The following ERBB4 variants were observed in gnomAD, a reference collection of about 807,000 sequenced individuals.
ERBB4 encodes receptor tyrosine-protein kinase erbB-4.
Under a neutral mutation model 158.0 loss-of-function variants are expected in ERBB4, and 42 were observed. The ratio of observed to expected loss-of-function variants is 0.27; its 90% CI spans 0.21 to 0.34. The LOEUF is 0.34. Ranked by LOEUF, ERBB4 falls within the 10% of genes least tolerant of loss-of-function variation. ERBB4 has a pLI of 1.00. For synonymous variants in ERBB4, 583 were observed against 558.7 expected (o/e 1.04, Z -0.61); for missense variants, 1,333 against 1,624.1 (o/e 0.82, Z 3.08).
chr2:212,523,310 C>G (rs780403496), intron 1 of ERBB4, among the ~76,000 whole-genome samples: 43 of 151,870 alleles, frequency 2.8e-4, no homozygotes, highest in Non-Finnish European at 6.3e-4. Flanking sequence ...TTTCTAAATT[C>G]CTGCTGTGCC....
At chr2:212,056,384 C>T (rs1442336782) in intron 2 of ERBB4, among the ~76,000 whole-genome samples, 9 of 152,126 alleles carry the variant, frequency 5.9e-5, no homozygotes, top group African/African-American at 1.2e-4. Flanking sequence ...ACTTCCCCAA[C>T]CTAGCAAGGC....
At chr2:212,153,144 A>G (rs1277919386) in intron 1 of ERBB4, among the ~76,000 whole-genome samples, 1 of 152,200 alleles carries the variant, frequency 6.6e-6, no homozygotes, top group African/African-American at 2.4e-5. Flanking sequence ...TGATAGGGGA[A>G]CCTACTAAAA....
At chr2:212,276,803 TA>T (rs2106135951) in intron 1 of ERBB4, among the ~76,000 whole-genome samples, 1 of 151,948 alleles carries the variant, frequency 6.6e-6, no homozygotes, top group Admixed American at 6.6e-5. Flanking sequence ...TTGTTTTCAC[TA>T]TTTGTTTAAT....
intron 3 of ERBB4, among the ~76,000 whole-genome samples, chr2:211,876,189 T>G (rs1161231987): frequency 1.3e-5 from 2 of 152,170 alleles, no homozygotes. Flanking sequence ...TAGCATCACA[T>G]TTTGCCAAAA....
At chr2:212,402,722 G>A (rs927670807) in intron 1 of ERBB4, among the ~76,000 whole-genome samples, 1 of 151,886 alleles carries the variant, frequency 6.6e-6, no homozygotes, top group Admixed American at 6.6e-5. Context: ...AAAAACAACT[G>A]CATGTGTATA....
Position 212,000,632 on chromosome 2 carries a change from G to A in ERBB4, c.235-53016C>T, listed in dbSNP as rs945200326. On this transcript the variant is annotated intron_variant, in intron 2 of 27. Transcript: ENST00000342788. ...ATTACAAGGAAATTTAGCTAGGGAC[G>A]TGAAAAATTCTCCTATAGCTGAAAT... Among the ~76,000 whole-genome samples the A allele has an allele frequency of 1.8e-4, 28 of 151,728 alleles. 1 individual carries two copies. The highest frequency in any genetic ancestry group is 6.0e-4 in the African/African-American group (25 of 41,356).
At chr2:212,095,614 G>C (rs903436638) in intron 2 of ERBB4, among the ~76,000 whole-genome samples, 1 of 152,160 alleles carries the variant, frequency 6.6e-6, no homozygotes, top group Non-Finnish European at 1.5e-5. Flanking sequence ...TCAGAATACA[G>C]AGCATTTATG....
intron 2 of ERBB4, among the ~76,000 whole-genome samples, chr2:212,066,736 G>T (rs2077959477): frequency 6.6e-6 from 1 of 151,842 alleles, no homozygotes; most frequent in Non-Finnish European, 1.5e-5. Context: ...ACAGGTAATT[G>T]CTTTAATCTA....
intron 3 of ERBB4, among the ~76,000 whole-genome samples, chr2:211,861,355 T>G (rs796069044): frequency 9.7e-5 from 8 of 82,660 alleles, no homozygotes; most frequent in African/African-American, 2.6e-4. Context: ...TTTTTGTTTT[T>G]TTTTTTTTTT....
chr2:211,568,086 C>G (rs991793100), intron 19 of ERBB4, among the ~76,000 whole-genome samples: 1 of 151,732 alleles, frequency 6.6e-6, no homozygotes, highest in Non-Finnish European at 1.5e-5. Context: ...GGGACATTAT[C>G]TATTTTTCCA....
chr2:211,854,828 G>T (rs2077812137), intron 3 of ERBB4, among the ~76,000 whole-genome samples: 1 of 152,088 alleles, frequency 6.6e-6, no homozygotes, highest in Non-Finnish European at 1.5e-5. Flanking sequence ...TTGTATATGT[G>T]TGTGTATGTG....
chr2:212,501,831 A>G (rs1238930308), intron 1 of ERBB4, among the ~76,000 whole-genome samples: 1 of 152,184 alleles, frequency 6.6e-6, no homozygotes, highest in Non-Finnish European at 1.5e-5. Flanking sequence ...AAATCATTTT[A>G]TCAATTAAGA....
intron 5 of ERBB4, among the ~76,000 whole-genome samples, chr2:211,734,620 T>A (rs373467391): frequency 5.9e-5 from 6 of 102,338 alleles, no homozygotes; most frequent in Non-Finnish European, 5.6e-5. Flanking sequence ...GCTGTAGCAT[T>A]AAAAAAAAAA....
intron 2 of ERBB4, among the ~76,000 whole-genome samples, chr2:212,039,042 C>A (rs564611393): frequency 6.6e-5 from 10 of 152,106 alleles, no homozygotes; most frequent in African/African-American, 1.9e-4. Flanking sequence ...TCATTCTTAA[C>A]CTTGATTCTA....
intron 1 of ERBB4, among the ~76,000 whole-genome samples, chr2:212,155,395 A>G (rs574309340): frequency 6.6e-6 from 1 of 152,198 alleles, no homozygotes; most frequent in African/African-American, 2.4e-5. Flanking sequence ...ATCTTATTCT[A>G]TATTCTAAGC....
intron 3 of ERBB4, among the ~76,000 whole-genome samples, chr2:211,900,547 C>G (rs1480658532): frequency 1.3e-5 from 2 of 151,232 alleles, no homozygotes; most frequent in Non-Finnish European, 3.0e-5. Flanking sequence ...CTCAATTTTT[C>G]TATTGAAAAG....
At chr2:211,612,740 A>G (rs1038730445) in intron 19 of ERBB4, among the ~76,000 whole-genome samples, 3 of 152,102 alleles carry the variant, frequency 2.0e-5, no homozygotes, top group Middle Eastern at 3.2e-3. Flanking sequence ...TTTGTATTAA[A>G]AAGTAGGGAG....
At chr2:211,720,034 A>C (rs1575046632) in intron 7 of ERBB4, among the ~76,000 whole-genome samples, 2 of 152,202 alleles carry the variant, frequency 1.3e-5, no homozygotes, top group East Asian at 3.9e-4. Flanking sequence ...AACGGTTGTC[A>C]AGGAAAAACA....
intron 2 of ERBB4, among the ~76,000 whole-genome samples, chr2:212,058,640 G>T (rs544837983): frequency 6.6e-6 from 1 of 152,018 alleles, no homozygotes; most frequent in Non-Finnish European, 1.5e-5. Flanking sequence ...TTCAACATAC[G>T]CAAATCAATC....
Sources: allele counts gnomAD v4.1 joint callset (sites outside exome capture counted in the v4.1 genomes callset), GRCh38; gene constraint gnomAD v4.1.1; transcripts MANE v1.5; gene names NCBI Gene and HGNC (gene_info 2026-07-23, HGNC 2026-07-21).